BMP6: variants seen among roughly 807,000 people sequenced by gnomAD.
BMP6 encodes the protein VG-1-R.
A neutral mutation model predicts 54.1 loss-of-function variants in BMP6; 17 were observed. The observed-to-expected ratio is 0.31, with a 90% CI of 0.22 to 0.47. The LOEUF is 0.47. Among genes scored for constraint, BMP6 ranks in the 20% least tolerant of loss-of-function variants. The pLI is 1.00. For synonymous variants in BMP6, 328 were observed against 291.2 expected, an observed-to-expected ratio of 1.13 and a Z score of -1.28; for missense variants, 720 against 690.4, an observed-to-expected ratio of 1.04 and a Z score of -0.48.
intron 1 of BMP6, among the ~76,000 whole-genome samples, chr6:7,791,127 C>A (rs1249927895): frequency 6.6e-6 from 1 of 152,152 alleles, no homozygotes; most frequent in Admixed American, 6.5e-5. Flanking sequence ...TCTGGTTTAC[C>A]CCACCAGAGG....
Position 7,844,745 on chromosome 6 carries a change from G to A in BMP6, c.665-395G>A, listed in dbSNP as rs141477755. On this transcript the variant is annotated intron_variant, in intron 1 of 6. Coordinates refer to ENST00000283147, the MANE Select transcript of BMP6 (RefSeq NM_001718.6). ...GGAGAGGGGGCCAGGAGGACATAAC[G>A]GGGCCAGGATGGGCGGACGGGTTCT... Among the ~76,000 whole-genome samples the A allele has an allele frequency of 9.7e-4, 147 of 152,210 alleles. 1 individual carries two copies. The highest frequency in any genetic ancestry group is 3.2e-3 in the African/African-American group (132 of 41,526).
intron 1 of BMP6, among the ~76,000 whole-genome samples, chr6:7,837,650 A>G (rs1236418725): frequency 2.6e-5 from 4 of 152,080 alleles, no homozygotes; most frequent in East Asian, 1.9e-4. Flanking sequence ...GGGAAGACTG[A>G]GGGGGGCTTA....
At chr6:7,795,327 A>G (rs2113189459) in intron 1 of BMP6, among the ~76,000 whole-genome samples, 2 of 152,266 alleles carry the variant, frequency 1.3e-5, no homozygotes, top group Non-Finnish European at 2.9e-5. Flanking sequence ...TTTTTGAAGG[A>G]CAGAGTCAAG....
At chr6:7,861,733 C>G in intron 3 of BMP6, 134 bp downstream of exon 3, 2 of 1,306,590 alleles carry the variant, frequency 1.5e-6, no homozygotes, top group South Asian at 1.4e-5. Flanking sequence ...ACTGATCCCC[C>G]ATGACTTGCA....
intron 1 of BMP6, among the ~76,000 whole-genome samples, chr6:7,825,065 C>T (rs1403952442): frequency 6.6e-6 from 1 of 152,176 alleles, no homozygotes; most frequent in East Asian, 1.9e-4. Context: ...GCCTGCAATC[C>T]CAGCACTTTG....
At chr6:7,847,531 C>G (rs1205277754) in intron 2 of BMP6, among the ~76,000 whole-genome samples, 4 of 152,148 alleles carry the variant, frequency 2.6e-5, no homozygotes, top group Non-Finnish European at 4.4e-5. Flanking sequence ...ATGTATTTGT[C>G]TAATCTGTGT....
At chr6:7,750,275 C>A (rs964442415) in intron 1 of BMP6, among the ~76,000 whole-genome samples, 2 of 152,132 alleles carry the variant, frequency 1.3e-5, no homozygotes, top group Non-Finnish European at 2.9e-5. Flanking sequence ...AGGCCACATT[C>A]GTCTAAGAGC....
rs983743516 is a variant in BMP6, at chr6:7,880,696, G to A, written c.*353G>A. 6.5e-6 allele frequency: 2 copies of A among 305,508 alleles called. No homozygotes were observed. Among genetic ancestry groups the A allele is most frequent in the Non-Finnish European group, 6.2e-6 (1 of 160,912 alleles). 18.9% of individuals were successfully genotyped at this position (305,508 alleles called of 1,614,324 possible). ...TATTTGGGGTGTTTGTTAGTAAATA[G>A]GGAAAATAATCTCAAAGGAGTTAAA... On this transcript the variant is annotated 3_prime_UTR_variant, in exon 7 of 7. Coordinates refer to ENST00000283147, the MANE Select transcript of BMP6 (RefSeq NM_001718.6).
Position 7,726,341 on chromosome 6 carries a change from G to A in BMP6, c.-615G>A, listed in dbSNP as rs114468135. Among the ~76,000 whole-genome samples, 2,307 of 152,336 alleles carry A rather than the reference G, an allele frequency of 0.015. 52 individuals carry two copies. The highest frequency in any genetic ancestry group is 0.053 in the African/African-American group (2,218 of 41,570). Reference sequence around the variant, plus strand: ...GGGAGCGACGGTGCCCGAGAGCTCAGGGGCGCGGAGTTCGTGAGCGAGAAG... The same window carrying A: ...GGGAGCGACGGTGCCCGAGAGCTCAAGGGCGCGGAGTTCGTGAGCGAGAAG... On this transcript the variant is annotated 5_prime_UTR_variant, in exon 1 of 7. Transcript: ENST00000283147.
At chr6:7,802,658 G>C (rs1240407823) in intron 1 of BMP6, among the ~76,000 whole-genome samples, 1 of 152,188 alleles carries the variant, frequency 6.6e-6, no homozygotes, top group Non-Finnish European at 1.5e-5. Context: ...GCTGCCATCA[G>C]CAACAACCTA....
At chr6:7,853,973 G>C (rs1433594983) in intron 2 of BMP6, among the ~76,000 whole-genome samples, 1 of 151,818 alleles carries the variant, frequency 6.6e-6, no homozygotes, top group South Asian at 2.1e-4. Flanking sequence ...TTCTGTTCTT[G>C]GTAAGGCACA....
At chr6:7,820,616 C>T (rs13212373) in intron 1 of BMP6, among the ~76,000 whole-genome samples, 56,770 of 151,950 alleles carry the variant, frequency 0.37, 10,932 homozygotes, top group South Asian at 0.43. Context: ...GAACTAGAGC[C>T]TGGCCCAGCT....
At chr6:7,835,602 T>A (rs139689056) in intron 1 of BMP6, among the ~76,000 whole-genome samples, 1 of 150,144 alleles carries the variant, frequency 6.7e-6, no homozygotes, top group East Asian at 2.0e-4. Context: ...GTAGATTGAT[T>A]TTTACTAAAT....
rs1480487397 is a variant in BMP6 at position 7,881,574 on chromosome 6, C to T, written c.*1231C>T. On this transcript the variant is annotated 3_prime_UTR_variant, in exon 7 of 7. Transcript: ENST00000283147. ...CATAGTGTAAACAAACAAATTGTAC[C>T]ACTTTGATTTTCTTGGAATACAAGA... 6.6e-6 allele frequency: 1 copy of T among 152,114 alleles called. No individual in the cohort carries two copies. The highest frequency in any genetic ancestry group is 1.5e-5 in the Non-Finnish European group (1 of 68,024). 9.4% of individuals were successfully genotyped at this position (152,114 alleles called of 1,614,324 possible).
intron 1 of BMP6, among the ~76,000 whole-genome samples, chr6:7,823,770 G>C (rs149537181): frequency 8.7e-4 from 133 of 152,288 alleles, no homozygotes; most frequent in African/African-American, 3.1e-3. Context: ...GACTGGCTGG[G>C]GCCTTCAGCG....
At chr6:7,783,068 AG>A (rs1441194251) in intron 1 of BMP6, among the ~76,000 whole-genome samples, 1 of 152,214 alleles carries the variant, frequency 6.6e-6, no homozygotes, top group Non-Finnish European at 1.5e-5. Context: ...ATGCAGACAT[AG>A]GGGCAAGACA....
At chr6:7,728,656 G>T (rs1047247395) in intron 1 of BMP6, among the ~76,000 whole-genome samples, 3 of 152,186 alleles carry the variant, frequency 2.0e-5, no homozygotes, top group African/African-American at 7.2e-5. Flanking sequence ...GGAGGGACGC[G>T]CTGTCAGCGG....
intron 2 of BMP6, among the ~76,000 whole-genome samples, chr6:7,847,703 A>G (rs553386454): frequency 6.6e-6 from 1 of 152,320 alleles, no homozygotes; most frequent in Admixed American, 6.5e-5. Context: ...GCCTTCTGAT[A>G]TTAAAGACAG....
Position 7,880,683 on chromosome 6 carries a change from T to C in BMP6, c.*340T>C, listed in dbSNP as rs1759703742. 2 of 334,788 alleles carry C rather than the reference T, an allele frequency of 6.0e-6. No homozygotes were observed. The highest frequency in any genetic ancestry group is 6.3e-5 in the East Asian group (1 of 15,886). 20.7% of individuals were successfully genotyped at this position (334,788 alleles called of 1,614,324 possible). On this transcript the variant is annotated 3_prime_UTR_variant, in exon 7 of 7. Transcript: ENST00000283147. ...CTGTAGATCAAGCTATTTGGGGTGT[T>C]TGTTAGTAAATAGGGAAAATAATCT...
Sources: allele counts gnomAD v4.1 joint callset (sites outside exome capture counted in the v4.1 genomes callset), GRCh38; gene constraint gnomAD v4.1.1; transcripts MANE v1.5; gene names NCBI Gene and HGNC (gene_info 2026-07-23, HGNC 2026-07-21).